Variants in DPP10 observed in about 807,000 individuals in gnomAD.
DPP10 encodes dipeptidyl peptidase like 10.
In DPP10, 33 loss-of-function variants were observed where a neutral mutation model predicts 120.9. The observed-to-expected ratio is 0.27, with a 90% CI of 0.21 to 0.37. The LOEUF is 0.37. Ranked by LOEUF, DPP10 falls within the 10% of genes least tolerant of loss-of-function variation. The pLI is 1.00. For missense variants in DPP10, 816 were observed against 942.8 expected, an observed-to-expected ratio of 0.87 and a Z score of 1.76; for synonymous variants, 337 against 326.1, an observed-to-expected ratio of 1.03 and a Z score of -0.36.
intron 17 of DPP10, among the ~76,000 whole-genome samples, chr2:115,783,147 T>C (rs1365062946): frequency 2.0e-5 from 3 of 152,074 alleles, no homozygotes; most frequent in Non-Finnish European, 1.5e-5. Flanking sequence ...TAAGCTACTA[T>C]AATCTAATAA....
At chr2:115,541,890 A>G (rs541146854) in intron 5 of DPP10, among the ~76,000 whole-genome samples, 42 of 151,842 alleles carry the variant, frequency 2.8e-4, no homozygotes, top group Non-Finnish European at 4.4e-4. Flanking sequence ...GGAGACTTTT[A>G]TTTTACATTT....
At chr2:114,635,944 A>G (rs1695270718) in intron 1 of DPP10, among the ~76,000 whole-genome samples, 1 of 151,800 alleles carries the variant, frequency 6.6e-6, no homozygotes, top group South Asian at 2.1e-4. Flanking sequence ...CACATTCTTG[A>G]ACATCTATAA....
chr2:115,604,046 A>G (rs2083535373), intron 5 of DPP10, among the ~76,000 whole-genome samples: 1 of 150,884 alleles, frequency 6.6e-6, no homozygotes, highest in African/African-American at 2.4e-5. Flanking sequence ...TGATAGGGAT[A>G]TGCTGCAAGC....
chr2:114,944,548 T>A (rs1697205538), intron 1 of DPP10, among the ~76,000 whole-genome samples: 1 of 152,196 alleles, frequency 6.6e-6, no homozygotes, highest in Non-Finnish European at 1.5e-5. Context: ...ACATTGAAAA[T>A]ATATGGTCAT....
intron 5 of DPP10, among the ~76,000 whole-genome samples, chr2:115,607,255 G>GA (rs2083762721): frequency 6.6e-6 from 1 of 151,896 alleles, no homozygotes; most frequent in East Asian, 1.9e-4. Context: ...TAATATATTT[G>GA]AAAAAATAAT....
At chr2:115,794,791 A>T (rs1178126610) in intron 19 of DPP10, among the ~76,000 whole-genome samples, 1 of 152,064 alleles carries the variant, frequency 6.6e-6, no homozygotes, top group African/African-American at 2.4e-5. Context: ...AACTTATTCT[A>T]TACACATCTG....
chr2:114,628,913 G>T (rs1414941044), intron 1 of DPP10, among the ~76,000 whole-genome samples: 1 of 152,088 alleles, frequency 6.6e-6, no homozygotes, highest in East Asian at 1.9e-4. Context: ...TTATTTCTTT[G>T]TCTTTGTGGC....
intron 5 of DPP10, among the ~76,000 whole-genome samples, chr2:115,684,770 A>G (rs1254870488): frequency 1.3e-5 from 2 of 151,920 alleles, no homozygotes; most frequent in Non-Finnish European, 2.9e-5. Context: ...AATAACTGAT[A>G]TTCCAAGAAA....
In DPP10 at chr2:114,528,072, C is replaced by T. The variant is rs189723504; in HGVS notation, c.60+85234C>T. Reference sequence around the variant, plus strand: ...AAAGTGGGATTAAATCAGGAACTTACTTGAAGACGGAAAGAGGAGGAACAC... The same window carrying T: ...AAAGTGGGATTAAATCAGGAACTTATTTGAAGACGGAAAGAGGAGGAACAC... On this transcript the variant is annotated intron_variant, in intron 1 of 25. Coordinates refer to ENST00000410059, the MANE Select transcript of DPP10 (RefSeq NM_020868.6). Among the ~76,000 whole-genome samples, 346 of 152,172 alleles carry T rather than the reference C, an allele frequency of 2.3e-3. 1 individual carries two copies. The highest frequency in any genetic ancestry group is 3.7e-3 in the Non-Finnish European group (251 of 67,982).
At chr2:115,525,493 T>A (rs1389904846) in intron 4 of DPP10, among the ~76,000 whole-genome samples, 2 of 152,084 alleles carry the variant, frequency 1.3e-5, no homozygotes, top group Non-Finnish European at 2.9e-5. Context: ...CCAGTAAGAA[T>A]ACAAAAACAC....
At chr2:114,705,426 A>G (rs1348683840) in intron 1 of DPP10, among the ~76,000 whole-genome samples, 4 of 152,140 alleles carry the variant, frequency 2.6e-5, no homozygotes, top group African/African-American at 9.7e-5. Flanking sequence ...TAAGATGTAT[A>G]TTATGTATAT....
chr2:115,739,649 G>T (rs1677006970), intron 8 of DPP10, 90 bp from the exon 9 acceptor site: 2 of 1,310,980 alleles, frequency 1.5e-6, no homozygotes, highest in Admixed American at 2.0e-5. Flanking sequence ...GAAAATATAG[G>T]TGTACAATGG....
chr2:114,659,211 G>A (rs980712326), intron 1 of DPP10, among the ~76,000 whole-genome samples: 5 of 152,112 alleles, frequency 3.3e-5, no homozygotes, highest in Non-Finnish European at 7.4e-5. Flanking sequence ...GCATGAAAAC[G>A]TACTAATACA....
chr2:115,026,243 A>ATTCAAGC (rs1428727278), intron 1 of DPP10, among the ~76,000 whole-genome samples: 1 of 152,058 alleles, frequency 6.6e-6, no homozygotes, highest in Non-Finnish European at 1.5e-5. Flanking sequence ...TTTTCTGCTT[A>ATTCAAGC]TGGTTATTCA....
rs180808450 is a variant in DPP10 at position 114,805,288 on chromosome 2, G to T, written c.60+362450G>T. Among the ~76,000 whole-genome samples the T allele has an allele frequency of 6.6e-4, 100 of 152,210 alleles. 1 individual carries two copies. Among genetic ancestry groups the T allele is most frequent in the African/African-American group, 2.4e-3 (98 of 41,532 alleles). On this transcript the variant is annotated intron_variant, in intron 1 of 25. Transcript: ENST00000410059. ...CACAAAGAATGTACATTTAGTAGTTGCCCTTCATGAAAACTCAAGAGCATT... is the reference window on the plus strand; with the variant it reads ...CACAAAGAATGTACATTTAGTAGTTTCCCTTCATGAAAACTCAAGAGCATT...
intron 1 of DPP10, among the ~76,000 whole-genome samples, chr2:114,493,641 G>T (rs1352922604): frequency 6.6e-6 from 1 of 151,398 alleles, no homozygotes; most frequent in African/African-American, 2.4e-5. Context: ...GAAGACTGGA[G>T]GATTCATTAC....
At chr2:115,492,125 G>A (rs2076157441) in intron 3 of DPP10, among the ~76,000 whole-genome samples, 3 of 152,124 alleles carry the variant, frequency 2.0e-5, no homozygotes, top group African/African-American at 7.2e-5. Flanking sequence ...CAAAAACTTA[G>A]AGGAAACAAA....
intron 1 of DPP10, among the ~76,000 whole-genome samples, chr2:114,698,360 C>CTGACTGCTGCCCCATCTGCCATCT: frequency 6.6e-6 from 1 of 152,212 alleles, no homozygotes; most frequent in Admixed American, 6.5e-5. Context: ...AAGCCTTCAG[C>CTGACTGCTGCCCCATCTGCCATCT]TGACTGCTGC....
chr2:114,863,428 G>A (rs999977142), intron 1 of DPP10, among the ~76,000 whole-genome samples: 1 of 152,106 alleles, frequency 6.6e-6, no homozygotes, highest in Non-Finnish European at 1.5e-5. Context: ...AGTATCAGAC[G>A]TCGTGTTCTG....
Sources: gnomAD v4.1 joint callset for allele counts (sites outside exome capture counted in the v4.1 genomes callset) on GRCh38, gnomAD v4.1.1 for gene constraint, MANE v1.5 for transcripts, NCBI Gene and HGNC (gene_info 2026-07-23, HGNC 2026-07-21) for gene names.